The following FSTL5 variants were observed in gnomAD, a reference collection of about 807,000 sequenced individuals.
FSTL5 encodes the protein follistatin like 5, also known as follistatin-related protein 5.
In FSTL5, 62 loss-of-function variants were observed where a neutral mutation model predicts 89.1. The observed-to-expected ratio is 0.70, with a 90% CI of 0.57 to 0.86. The LOEUF (loss-of-function observed/expected upper bound fraction) is 0.86, where lower values mean the gene tolerates loss of function less well. FSTL5 is among the 40% of genes least tolerant of loss of function. FSTL5 has a pLI of 0.00. For synonymous variants in FSTL5, 383 were observed against 346.2 expected (o/e 1.11, Z -1.18); for missense variants, 1,057 against 1,001.6 (o/e 1.06, Z -0.75).
chr4:162,156,591 A>G (rs1279095004), intron 1 of FSTL5, among the ~76,000 whole-genome samples: 1 of 152,200 alleles, frequency 6.6e-6, no homozygotes, highest in Non-Finnish European at 1.5e-5. Flanking sequence ...TGTCCTGTGC[A>G]GCAATGTGGG....
intron 3 of FSTL5, among the ~76,000 whole-genome samples, chr4:162,002,151 T>C (rs1387647704): frequency 3.3e-5 from 5 of 152,214 alleles, no homozygotes; most frequent in African/African-American, 1.2e-4. Context: ...ATTTGTATTT[T>C]ATGATTTCAT....
At chr4:162,150,418 AAC>A (rs138829979) in intron 1 of FSTL5, among the ~76,000 whole-genome samples, 20,875 of 152,100 alleles carry the variant, frequency 0.14, 1,925 homozygotes, top group Non-Finnish European at 0.19. Flanking sequence ...AAAATAAATT[AAC>A]AGTGTCTAGA....
intron 6 of FSTL5, among the ~76,000 whole-genome samples, chr4:161,665,695 T>G (rs1354547031): frequency 6.6e-6 from 1 of 152,032 alleles, no homozygotes; most frequent in Non-Finnish European, 1.5e-5. Context: ...TCTTAGAATT[T>G]TATAGAAATA....
chr4:161,676,035 T>G (rs1311286181), intron 6 of FSTL5, among the ~76,000 whole-genome samples: 1 of 152,114 alleles, frequency 6.6e-6, no homozygotes, highest in East Asian at 1.9e-4. Context: ...ATTCTGAATT[T>G]GAATTCTGTC....
At chr4:161,540,805 A>T (rs72685742) in intron 9 of FSTL5, among the ~76,000 whole-genome samples, 1 of 152,012 alleles carries the variant, frequency 6.6e-6, no homozygotes, top group Non-Finnish European at 1.5e-5. Context: ...GTTTTTCTAA[A>T]TGTCGCAAGA....
rs528548264 is a variant in FSTL5 at position 161,541,416 on chromosome 4, A to C, written c.1177+1116T>G. 7.3e-4 allele frequency among the ~76,000 whole-genome samples: 111 copies of C among 152,170 alleles called. 1 individual carries two copies. Among genetic ancestry groups the C allele is most frequent in the African/African-American group, 2.6e-3 (107 of 41,542 alleles). The stretch of plus-strand genomic sequence containing the variant: ...TGGGCAAGAGACAAAGTCAGAAGCT[A>C]TTTAGACTTTTATTCATTTAATTTC... On this transcript the variant is annotated intron_variant, in intron 9 of 15. Transcript: ENST00000306100.
chr4:161,533,116 A>G (rs933373067), intron 10 of FSTL5, among the ~76,000 whole-genome samples: 10 of 151,960 alleles, frequency 6.6e-5, no homozygotes, highest in African/African-American at 2.2e-4. Flanking sequence ...TACCTGCATC[A>G]AGAGGTTAGA....
intron 4 of FSTL5, among the ~76,000 whole-genome samples, chr4:161,869,012 A>G (rs1160130693): frequency 6.6e-6 from 1 of 152,162 alleles, no homozygotes; most frequent in Non-Finnish European, 1.5e-5. Flanking sequence ...ACCTGAGGTC[A>G]GGAGTCCGAG....
chr4:161,750,313 G>A (rs1740352755), intron 6 of FSTL5, among the ~76,000 whole-genome samples: 1 of 152,070 alleles, frequency 6.6e-6, no homozygotes, highest in South Asian at 2.1e-4. Context: ...TGTGGCTATT[G>A]AACATTTGGC....
chr4:161,790,201 A>G (rs1729411034), intron 4 of FSTL5, among the ~76,000 whole-genome samples: 1 of 152,178 alleles, frequency 6.6e-6, no homozygotes. Context: ...CAATGTTTTG[A>G]TTGTTTAGAT....
Position 162,003,169 on chromosome 4 carries a change from A to T in FSTL5, c.160+30456T>A, listed in dbSNP as rs191622113. On this transcript the variant is annotated intron_variant, in intron 3 of 15. Coordinates refer to ENST00000306100, the MANE Select transcript of FSTL5 (RefSeq NM_020116.5). ...AAAAAAAAAGAAATTAGCAGAAGCC[A>T]TTTATTATTTTATTTATCTCAATTT... is the stretch of plus-strand genomic sequence containing the variant. Among the ~76,000 whole-genome samples, 16 of 152,258 alleles carry T rather than the reference A, an allele frequency of 1.1e-4. No individual in the cohort carries two copies. The East Asian group carries it at 3.1e-3, about 29-fold the overall frequency.
chr4:162,045,236 T>C lies in FSTL5; in HGVS notation c.127-11578A>G, dbSNP rs892471503. 2.6e-5 allele frequency among the ~76,000 whole-genome samples: 4 copies of C among 152,136 alleles called. No individual in the cohort carries two copies. The East Asian group carries it at 5.8e-4, about 22-fold the overall frequency. On this transcript the variant is annotated intron_variant, in intron 2 of 15. Coordinates refer to ENST00000306100, the MANE Select transcript of FSTL5 (RefSeq NM_020116.5). The stretch of plus-strand genomic sequence containing the variant: ...TTAGAGGCCATTGTATGGTTATTAA[T>C]TGGCCTAATTTCAGTATTATTGCAT...
At chr4:161,680,738 C>T (rs1056730298) in intron 6 of FSTL5, among the ~76,000 whole-genome samples, 4 of 151,420 alleles carry the variant, frequency 2.6e-5, no homozygotes, top group Non-Finnish European at 4.4e-5. Flanking sequence ...TAAATTTTCC[C>T]TGTGAGAAAA....
chr4:161,626,677 C>T (rs1361569603), intron 7 of FSTL5, among the ~76,000 whole-genome samples: 5 of 152,074 alleles, frequency 3.3e-5, no homozygotes, highest in Non-Finnish European at 7.4e-5. Flanking sequence ...TTTTGTATGG[C>T]TACAGCTGCC....
At chr4:161,847,286 A>G (rs1373517270) in intron 4 of FSTL5, among the ~76,000 whole-genome samples, 1 of 152,252 alleles carries the variant, frequency 6.6e-6, no homozygotes, top group Admixed American at 6.5e-5. Flanking sequence ...TTATAATTAC[A>G]CTAAATAACT....
intron 4 of FSTL5, among the ~76,000 whole-genome samples, chr4:161,786,150 T>C (rs1194019817): frequency 1.3e-5 from 2 of 152,088 alleles, no homozygotes; most frequent in East Asian, 3.9e-4. Context: ...TAATTTATTC[T>C]ATATAATTGT....
intron 3 of FSTL5, among the ~76,000 whole-genome samples, chr4:161,986,337 G>A (rs1326220679): frequency 1.3e-5 from 2 of 152,138 alleles, no homozygotes; most frequent in East Asian, 1.9e-4. Flanking sequence ...ATCATTTAAG[G>A]TCAGGACTTC....
At chr4:162,036,250 T>C (rs562354797) in intron 2 of FSTL5, among the ~76,000 whole-genome samples, 56 of 152,238 alleles carry the variant, frequency 3.7e-4, no homozygotes, top group Middle Eastern at 6.8e-3. Context: ...ACATGGCCTA[T>C]CTGTAATGTT....
At chr4:161,513,761 C>G (rs924471807) in intron 10 of FSTL5, among the ~76,000 whole-genome samples, 1 of 152,118 alleles carries the variant, frequency 6.6e-6, no homozygotes. Context: ...ACCACATGTT[C>G]TCACTTATAA....
Sources: gnomAD v4.1 joint callset for allele counts (sites outside exome capture counted in the v4.1 genomes callset) on GRCh38, gnomAD v4.1.1 for gene constraint, MANE v1.5 for transcripts, NCBI Gene and HGNC (gene_info 2026-07-23, HGNC 2026-07-21) for gene names.